The following FANK1 variants were observed in gnomAD, a reference collection of about 807,000 sequenced individuals.
FANK1 encodes the protein fibronectin type III and ankyrin repeat domains 1.
In FANK1, 44 loss-of-function variants were observed where a neutral mutation model predicts 45.3. That is an observed-to-expected ratio of 0.97 (90% CI 0.76 to 1.25). FANK1 has a LOEUF of 1.25. FANK1 is among the 50% of genes most tolerant of loss of function. The pLI, the probability that FANK1 is intolerant of heterozygous loss-of-function variation, is 0.00. For missense variants in FANK1, 391 were observed against 424.4 expected (o/e 0.92, Z 0.69); for synonymous variants, 149 against 152.5 (o/e 0.98, Z 0.17).
At chr10:125,956,334 A>G in intron 1 of FANK1, among the ~76,000 whole-genome samples, 1 of 152,226 alleles carries the variant, frequency 6.6e-6, no homozygotes, top group Non-Finnish European at 1.5e-5. Flanking sequence ...AGGCTGTCTT[A>G]AAGATTGTAC....
chr10:125,933,925 G>A (rs1947911683), intron 1 of FANK1, among the ~76,000 whole-genome samples: 3 of 152,164 alleles, frequency 2.0e-5, no homozygotes, highest in Middle Eastern at 3.4e-3. Flanking sequence ...CTTAACTTCC[G>A]TGTATTTGCA....
At chr10:125,953,443 C>A (rs1300245030) in intron 1 of FANK1, among the ~76,000 whole-genome samples, 2 of 152,168 alleles carry the variant, frequency 1.3e-5, no homozygotes, top group Non-Finnish European at 2.9e-5. Flanking sequence ...GTGGGTGATG[C>A]TTCAGACCTC....
intron 1 of FANK1, among the ~76,000 whole-genome samples, chr10:125,901,377 C>T (rs532788166): frequency 4.6e-5 from 7 of 152,308 alleles, no homozygotes; most frequent in Non-Finnish European, 7.3e-5. Flanking sequence ...GCTACCATGC[C>T]GTGTAAGTTA....
At chr10:125,903,099 C>A (rs796338860) in intron 1 of FANK1, among the ~76,000 whole-genome samples, 3 of 149,844 alleles carry the variant, frequency 2.0e-5, no homozygotes, top group East Asian at 2.0e-4. Flanking sequence ...GTGTCTTTCC[C>A]CAAGCTCAGG....
chr10:125,955,529 G>A (rs1291732979), intron 1 of FANK1, among the ~76,000 whole-genome samples: 1 of 152,074 alleles, frequency 6.6e-6, no homozygotes, highest in Admixed American at 6.5e-5. Flanking sequence ...CACCCAGGCT[G>A]GAGTGCAGTG....
chr10:125,914,292 T>TATATATATATATATATATA (rs58995936), intron 1 of FANK1, among the ~76,000 whole-genome samples: 5 of 150,730 alleles, frequency 3.3e-5, no homozygotes, highest in South Asian at 2.1e-4. Context: ...TATATATATA[T>TATATATATATATATATATA]TTAAAAAGTC....
At chr10:125,968,479 A>G (rs1450132617) in intron 1 of FANK1, among the ~76,000 whole-genome samples, 1 of 152,204 alleles carries the variant, frequency 6.6e-6, no homozygotes, top group Non-Finnish European at 1.5e-5. Flanking sequence ...AAGAGCAGGG[A>G]AACTACAATT....
intron 2 of FANK1, among the ~76,000 whole-genome samples, chr10:125,987,616 C>T (rs1410259838): frequency 1.3e-5 from 2 of 152,008 alleles, no homozygotes; most frequent in East Asian, 1.9e-4. Context: ...AAAAGGGATA[C>T]ATGGAGTTTA....
In FANK1 at chr10:125,980,160, G is replaced by C. The variant is rs1326305706; in HGVS notation, c.14-1G>C. 6.2e-7 allele frequency: 1 copy of C among 1,602,358 alleles called. No individual in the cohort carries two copies. The highest frequency in any genetic ancestry group is 1.4e-5 in the African/African-American group (1 of 74,056). ...AAGTTCGGTGTCATTCTTTTTTTTA[G>C]AAATCATGCCACCCTCAAAGCCTCA... On this transcript the variant is annotated splice_acceptor_variant, in intron 1 of 10. Coordinates refer to ENST00000368693, the MANE Select transcript of FANK1 (RefSeq NM_145235.5). LOFTEE classifies it high-confidence loss of function.
rs76017451 is a variant in FANK1 at position 125,985,478 on chromosome 10, C to A, written c.192-3073C>A. Among the ~76,000 whole-genome samples, 28 of 152,206 alleles carry A rather than the reference C, an allele frequency of 1.8e-4. 1 individual carries two copies. The East Asian group carries it at 5.4e-3, about 29-fold the overall frequency. ...CCTGGCGGTTTTTCTGAATATTTAT[C>A]TTGGTTTTAGAGCTTTTACTTTTAT... On this transcript the variant is annotated intron_variant, in intron 2 of 10. Transcript: ENST00000368693.
At chr10:125,974,658 A>G (rs1036199377) in intron 1 of FANK1, among the ~76,000 whole-genome samples, 4 of 152,198 alleles carry the variant, frequency 2.6e-5, no homozygotes, top group African/African-American at 9.6e-5. Context: ...AACAATACTT[A>G]GTGGAGGTCC....
intron 1 of FANK1, among the ~76,000 whole-genome samples, chr10:125,959,777 G>T (rs1241064460): frequency 6.6e-6 from 1 of 152,168 alleles, no homozygotes; most frequent in African/African-American, 2.4e-5. Context: ...AGGAGCAACA[G>T]ATAACAAATA....
At chr10:125,996,760 A>G (rs1270290806) in intron 5 of FANK1, 136 bp downstream of exon 5, 2 of 676,364 alleles carry the variant, frequency 3.0e-6, no homozygotes, top group Non-Finnish European at 5.0e-6. Context: ...AAACCGTACC[A>G]TATGATGGCT....
chr10:125,973,397 TC>T (rs1338355372), intron 1 of FANK1: 5 of 984,388 alleles, frequency 5.1e-6, no homozygotes, highest in Admixed American at 1.2e-4. Context: ...AATCATTTGT[TC>T]AACACTGATG....
At chr10:125,974,436 G>T (rs1388870642) in intron 1 of FANK1, among the ~76,000 whole-genome samples, 1 of 152,150 alleles carries the variant, frequency 6.6e-6, no homozygotes, top group Non-Finnish European at 1.5e-5. Flanking sequence ...TATATTTGAG[G>T]CTCAAGAAGG....
At chr10:125,924,335 C>T (rs966186870) in intron 1 of FANK1, among the ~76,000 whole-genome samples, 1 of 151,166 alleles carries the variant, frequency 6.6e-6, no homozygotes, top group Non-Finnish European at 1.5e-5. Flanking sequence ...CTCACTGCAA[C>T]CTCCAGCTCC....
intron 1 of FANK1, among the ~76,000 whole-genome samples, chr10:125,918,586 ATATAT>A (rs1437176612): frequency 2.4e-4 from 14 of 57,406 alleles, no homozygotes; most frequent in African/African-American, 1.2e-3. Context: ...AAAAAAAAAA[ATATAT>A]ATATATATAT....
intron 1 of FANK1, among the ~76,000 whole-genome samples, chr10:125,904,699 C>A (rs1031238821): frequency 9.3e-5 from 14 of 151,318 alleles, no homozygotes; most frequent in African/African-American, 3.4e-4. Flanking sequence ...TTAAAAATGA[C>A]TTTTGGGCTT....
intron 1 of FANK1, among the ~76,000 whole-genome samples, chr10:125,908,488 A>G (rs1223244508): frequency 1.3e-5 from 2 of 152,242 alleles, no homozygotes; most frequent in Non-Finnish European, 2.9e-5. Context: ...TTCTACGTTA[A>G]GTAACTCAGG....
Sources: allele counts gnomAD v4.1 joint callset (sites outside exome capture counted in the v4.1 genomes callset), GRCh38; gene constraint gnomAD v4.1.1; transcripts MANE v1.5; gene names NCBI Gene and HGNC (gene_info 2026-07-23, HGNC 2026-07-21).